The following DTHD1 variants were observed in gnomAD, a reference collection of about 807,000 sequenced individuals.
DTHD1 encodes the protein death domain-containing protein 1.
Under a neutral mutation model 74.8 loss-of-function variants are expected in DTHD1, and 59 were observed. That is an observed-to-expected ratio of 0.79 (90% confidence interval 0.64 to 0.98). The LOEUF is 0.98. Ranked by LOEUF, DTHD1 falls within the 50% of genes least tolerant of loss-of-function variation. The probability of loss-of-function intolerance (pLI) is 0.00; values close to 1 mark genes in which losing one functional copy is unlikely to be tolerated. For synonymous variants in DTHD1, 365 were observed against 371.1 expected, an observed-to-expected ratio of 0.98 and a Z score of 0.19; for missense variants, 1,051 against 1,065.4, an observed-to-expected ratio of 0.99 and a Z score of 0.19.
In DTHD1 at chr4:36,343,992, A is replaced by G; in HGVS notation, c.*168A>G. On this transcript the variant is annotated 3_prime_UTR_variant, in exon 10 of 10. Coordinates refer to ENST00000639862, the MANE Select transcript of DTHD1 (RefSeq NM_001170700.3). The stretch of plus-strand genomic sequence containing the variant: ...GGGAGAAGCACGGATCAGATAATAG[A>G]AAGCATTCCTGGGTGTGAGCGCTCC... 1.4e-6 allele frequency: 1 copy of G among 692,812 alleles called. No individual in the cohort carries two copies. The highest frequency in any genetic ancestry group is 2.1e-5 in the South Asian group (1 of 48,780). 42.9% of individuals were successfully genotyped at this position (692,812 alleles called of 1,614,324 possible). A position where few individuals can be genotyped will look rare whatever the true frequency, so the allele number is the denominator to read the frequency against.
chr4:36,346,492 C>T lies in DTHD1; in HGVS notation c.*2668C>T, dbSNP rs1285489288. Among the ~76,000 whole-genome samples, 1 of 151,882 alleles carries T rather than the reference C, an allele frequency of 6.6e-6. No individual in the cohort carries two copies. Among genetic ancestry groups the T allele is most frequent in the Non-Finnish European group, 1.5e-5 (1 of 67,954 alleles). On this transcript the variant is annotated 3_prime_UTR_variant, in exon 10 of 10. Transcript: ENST00000639862. Reference sequence around the variant, plus strand: ...GCAATAAAAAGGTACATAGAGAAAACAATTGATCATCCCTGCAGCATCTCC... The same window carrying T: ...GCAATAAAAAGGTACATAGAGAAAATAATTGATCATCCCTGCAGCATCTCC...
At chr4:36,291,102 A>T (rs754268420) in intron 3 of DTHD1, among the ~76,000 whole-genome samples, 6 of 152,250 alleles carry the variant, frequency 3.9e-5, no homozygotes, top group Non-Finnish European at 7.3e-5. Context: ...GGGTTGGGAA[A>T]ATAGATAAAA....
chr4:36,284,667 G>C lies in DTHD1; in HGVS notation c.887+76G>C, dbSNP rs952713232. 5.4e-6 allele frequency: 6 copies of C among 1,116,672 alleles called. No individual in the cohort carries two copies. In the African/African-American group the frequency reaches 9.5e-5, roughly 18 times the overall value. 69.2% of individuals were successfully genotyped at this position (1,116,672 alleles called of 1,614,324 possible). A position where few individuals can be genotyped will look rare whatever the true frequency, so the allele number is the denominator to read the frequency against. On this transcript the variant is annotated intron_variant, in intron 2 of 9. Transcript: ENST00000639862. The stretch of plus-strand genomic sequence containing the variant: ...GTTTCTATAGTTAGTACATGTCTTA[G>C]TTCATTCAGGCTGCTACAACAAAAC...
At chr4:36,295,564 G>A (rs191000414) in intron 5 of DTHD1, among the ~76,000 whole-genome samples, 5 of 151,762 alleles carry the variant, frequency 3.3e-5, no homozygotes, top group Non-Finnish European at 1.5e-5. Flanking sequence ...TCAATACCAA[G>A]ATTTCTAAAG....
chr4:36,337,824 C>T (rs774755699), intron 8 of DTHD1, among the ~76,000 whole-genome samples: 13 of 152,196 alleles, frequency 8.5e-5, no homozygotes, highest in Non-Finnish European at 1.6e-4. Flanking sequence ...GTAACACTTA[C>T]ATCATCCTTG....
chr4:36,314,251 T>C (rs1335761633), intron 7 of DTHD1, among the ~76,000 whole-genome samples: 1 of 152,092 alleles, frequency 6.6e-6, no homozygotes, highest in African/African-American at 2.4e-5. Context: ...GGTCATGGTA[T>C]CTTCTACATC....
intron 5 of DTHD1, among the ~76,000 whole-genome samples, chr4:36,295,577 T>C (rs184045662): frequency 7.2e-5 from 11 of 151,978 alleles, no homozygotes; most frequent in African/African-American, 2.4e-4. Context: ...TTCTAAAGAA[T>C]ATATATTAAA....
intron 8 of DTHD1, among the ~76,000 whole-genome samples, chr4:36,319,414 T>G (rs1227585842): frequency 5.3e-5 from 8 of 152,230 alleles, no homozygotes; most frequent in Non-Finnish European, 1.2e-4. Flanking sequence ...AACTCTTAAC[T>G]GACAGGCTAA....
rs1189740433 is a variant in DTHD1 at position 36,316,375 on chromosome 4, C to T, written c.2229C>T (p.Val743=). The T allele has an allele frequency of 6.4e-7, 1 of 1,552,040 alleles. No homozygotes were observed. The highest frequency in any genetic ancestry group is 8.7e-7 in the Non-Finnish European group (1 of 1,147,046). ...YSCPHYKGTI[V]VYKVPKGKIV... ...GCCCTCATTACAAAGGCACCATTGT[C>T]GTTTATAAAGTACCTAAAGGAAAGA... is the stretch of plus-strand genomic sequence containing the variant. The change falls in exon 8 of 10, where the codon GTC becomes GTT. Residue 743 remains valine (V), a synonymous_variant. Transcript: ENST00000639862.
At chr4:36,320,119 A>G (rs1055411941) in intron 8 of DTHD1, among the ~76,000 whole-genome samples, 1 of 151,232 alleles carries the variant, frequency 6.6e-6, no homozygotes, top group Non-Finnish European at 1.5e-5. Context: ...TTTCTGAAAT[A>G]TTTTTTTTTC....
At chr4:36,320,810 T>C (rs1285369386) in intron 8 of DTHD1, among the ~76,000 whole-genome samples, 5 of 152,250 alleles carry the variant, frequency 3.3e-5, no homozygotes, top group African/African-American at 1.2e-4. Context: ...GGAAGTAGCC[T>C]AATATAGCAG....
At chr4:36,315,170 T>C (rs1578469307) in intron 7 of DTHD1, among the ~76,000 whole-genome samples, 1 of 152,352 alleles carries the variant, frequency 6.6e-6, no homozygotes, top group East Asian at 1.9e-4. Flanking sequence ...ATGGTAGTGT[T>C]TATTCTACTG....
intron 8 of DTHD1, 144 bp downstream of exon 8, chr4:36,316,630 A>G: frequency 1.3e-6 from 1 of 780,632 alleles, no homozygotes; most frequent in Non-Finnish European, 2.0e-6. Flanking sequence ...GGTAGGTCCA[A>G]TTTTAGAGTA....
chr4:36,337,662 A>AT (rs1399929731), intron 8 of DTHD1, among the ~76,000 whole-genome samples: 1 of 152,088 alleles, frequency 6.6e-6, no homozygotes, highest in Non-Finnish European at 1.5e-5. Flanking sequence ...ATGTTTCTTA[A>AT]TTTTTTCCCA....
chr4:36,333,255 TATCATACAC>T (rs1174977804), intron 8 of DTHD1, among the ~76,000 whole-genome samples: 1 of 152,102 alleles, frequency 6.6e-6, no homozygotes, highest in East Asian at 1.9e-4. Flanking sequence ...ATATATATCA[TATCATACAC>T]TGAGAGCTCT....
At chr4:36,284,731 C>A in intron 2 of DTHD1, 140 bp downstream of exon 2, 1 of 744,080 alleles carries the variant, frequency 1.3e-6, no homozygotes, top group Non-Finnish European at 2.0e-6. Flanking sequence ...AGATATTTAT[C>A]TCTCACAGTT....
chr4:36,347,087 T>C lies in DTHD1; in HGVS notation c.*3263T>C, dbSNP rs767521750. 1.3e-4 allele frequency among the ~76,000 whole-genome samples: 20 copies of C among 152,184 alleles called. No homozygotes were observed. Among genetic ancestry groups the C allele is most frequent in the Non-Finnish European group, 2.4e-4 (16 of 68,024 alleles). ...CCTAGCAACGTATACATGTATTTTATTTCCCAGAATGGGAGTCATATATTA... is the reference window on the plus strand; with the variant it reads ...CCTAGCAACGTATACATGTATTTTACTTCCCAGAATGGGAGTCATATATTA... On this transcript the variant is annotated 3_prime_UTR_variant, in exon 10 of 10. Coordinates refer to ENST00000639862, the MANE Select transcript of DTHD1 (RefSeq NM_001170700.3).
intron 8 of DTHD1, 48 bp downstream of exon 8, chr4:36,316,534 A>C (rs1326553128): frequency 1.5e-5 from 22 of 1,494,542 alleles, no homozygotes; most frequent in Non-Finnish European, 1.9e-5. Context: ...AATTATTTAT[A>C]ATTCTGTAAC....
chr4:36,324,845 T>C (rs1449699714), intron 8 of DTHD1, among the ~76,000 whole-genome samples: 1 of 152,226 alleles, frequency 6.6e-6, no homozygotes, highest in African/African-American at 2.4e-5. Context: ...TAGTAAGATG[T>C]TAAATGCTAG....
Sources: allele counts gnomAD v4.1 joint callset (sites outside exome capture counted in the v4.1 genomes callset), GRCh38; gene constraint gnomAD v4.1.1; transcripts MANE v1.5; gene names NCBI Gene and HGNC (gene_info 2026-07-23, HGNC 2026-07-21).